The following RFX3 variants were observed in gnomAD, a reference collection of about 807,000 sequenced individuals.
The protein encoded by RFX3 is regulatory factor X3, also known as transcription factor RFX3.
In RFX3, 14 loss-of-function variants were observed where a neutral mutation model predicts 98.6. That is an observed-to-expected ratio of 0.14 (90% CI 0.09 to 0.22). The LOEUF (loss-of-function observed/expected upper bound fraction) is 0.22. Among genes scored for constraint, RFX3 ranks in the 10% least tolerant of loss-of-function variants. RFX3 has a pLI of 1.00. For synonymous variants in RFX3, 383 were observed against 328.4 expected, an observed-to-expected ratio of 1.17 and a Z score of -1.80; for missense variants, 639 against 926.9, an observed-to-expected ratio of 0.69 and a Z score of 4.03.
intron 3 of RFX3, among the ~76,000 whole-genome samples, chr9:3,333,543 T>G (rs1242030137): frequency 6.6e-6 from 1 of 152,044 alleles, no homozygotes; most frequent in Non-Finnish European, 1.5e-5. Flanking sequence ...TTTCTTTATT[T>G]ATATGTTTAT....
At chr9:3,480,317 T>C (rs1849629123) in intron 1 of RFX3, among the ~76,000 whole-genome samples, 1 of 152,212 alleles carries the variant, frequency 6.6e-6, no homozygotes. Flanking sequence ...ATGTGGCCTC[T>C]TTTCCACTGG....
intron 1 of RFX3, among the ~76,000 whole-genome samples, chr9:3,470,034 A>G (rs1653406760): frequency 6.6e-6 from 1 of 152,198 alleles, no homozygotes; most frequent in Non-Finnish European, 1.5e-5. Context: ...GAGAAGGTCA[A>G]GAACCATTAG....
At chr9:3,474,639 C>A (rs939025573) in intron 1 of RFX3, among the ~76,000 whole-genome samples, 3 of 152,196 alleles carry the variant, frequency 2.0e-5, no homozygotes, top group African/African-American at 4.8e-5. Context: ...AGTCAGCCAA[C>A]AAGTGGCAGC....
At chr9:3,322,311 T>C (rs1831408796) in intron 4 of RFX3, among the ~76,000 whole-genome samples, 1 of 152,216 alleles carries the variant, frequency 6.6e-6, no homozygotes, top group South Asian at 2.1e-4. Context: ...GTGTTTTTTA[T>C]TCAGCAATTG....
At chr9:3,255,415 T>C (rs1821995522) in intron 14 of RFX3, among the ~76,000 whole-genome samples, 1 of 152,228 alleles carries the variant, frequency 6.6e-6, no homozygotes, top group East Asian at 1.9e-4. Flanking sequence ...AGGATGACCA[T>C]AGTGTAGCCA....
chr9:3,464,205 G>A lies in RFX3; in HGVS notation c.-9+61542C>T, dbSNP rs548073798. On this transcript the variant is annotated intron_variant, in intron 1 of 16. Transcript: ENST00000617270. ...GAATGCAAAATGGTACAGCCACTTT[G>A]GAAAACAGTTTGGCAGTTACTTCGA... Among the ~76,000 whole-genome samples, 6 of 152,242 alleles carry A rather than the reference G, an allele frequency of 3.9e-5. No individual in the cohort carries two copies. The South Asian group carries it at 1.2e-3, about 32-fold the overall frequency.
chr9:3,262,851 G>C, intron 13 of RFX3, 84 bp downstream of exon 13: 1 of 1,414,674 alleles, frequency 7.1e-7, no homozygotes, highest in Admixed American at 1.8e-5. Flanking sequence ...ATGAGACTTT[G>C]AAAAGAAATT....
chr9:3,489,974 C>A (rs965941313), intron 1 of RFX3, among the ~76,000 whole-genome samples: 15 of 152,134 alleles, frequency 9.9e-5, no homozygotes, highest in African/African-American at 3.1e-4. Flanking sequence ...GGAAGGAATT[C>A]TCTTCTGGTT....
In RFX3 at chr9:3,355,059, A is replaced by T. The variant is rs144075502; in HGVS notation, c.118-8295T>A. ...ATTGGTTGAACACAGACTGATAAAT[A>T]CATATTTTTTAAATCTTTGAATACT... is the stretch of plus-strand genomic sequence containing the variant. On this transcript the variant is annotated intron_variant, in intron 2 of 16. Coordinates refer to ENST00000617270, the MANE Select transcript of RFX3 (RefSeq NM_001282116.2). 1.3e-4 allele frequency among the ~76,000 whole-genome samples: 19 copies of T among 151,996 alleles called. No homozygotes were observed. In the East Asian group the frequency reaches 3.1e-3, roughly 25 times the overall value.
intron 1 of RFX3, among the ~76,000 whole-genome samples, chr9:3,464,192 G>C (rs915465988): frequency 7.2e-5 from 11 of 152,110 alleles, no homozygotes; most frequent in Admixed American, 5.9e-4. Flanking sequence ...ATGCAAAATG[G>C]TACAGCCACT....
In RFX3 at chr9:3,386,529, T is replaced by C. The variant is rs545781832; in HGVS notation, c.117+8943A>G. Among the ~76,000 whole-genome samples, 330 of 152,250 alleles carry C rather than the reference T, an allele frequency of 2.2e-3. 1 individual carries two copies. Among genetic ancestry groups the C allele is most frequent in the African/African-American group, 7.6e-3 (315 of 41,574 alleles). ...AGTAGAAAGGACTAGAGCCAGGATT[T>C]GAATTTATGCCTTCCAACAATAAAG... On this transcript the variant is annotated intron_variant, in intron 2 of 16. Coordinates refer to ENST00000617270, the MANE Select transcript of RFX3 (RefSeq NM_001282116.2).
chr9:3,490,771 G>C (rs941877239), intron 1 of RFX3, among the ~76,000 whole-genome samples: 7 of 152,052 alleles, frequency 4.6e-5, no homozygotes, highest in Admixed American at 4.6e-4. Context: ...TGATTTAGCA[G>C]CTGACATGCA....
chr9:3,366,530 A>C (rs999730283), intron 2 of RFX3, among the ~76,000 whole-genome samples: 1 of 152,178 alleles, frequency 6.6e-6, no homozygotes, highest in African/African-American at 2.4e-5. Context: ...TCCTGGTCTG[A>C]TATCACTCAG....
At chr9:3,270,288 T>C in intron 11 of RFX3, 83 bp downstream of exon 11, 1 of 1,334,322 alleles carries the variant, frequency 7.5e-7, no homozygotes, top group Non-Finnish European at 1.0e-6. Context: ...AGAATCATTC[T>C]AGATTGCAAT....
chr9:3,304,243 C>T (rs1386590683), intron 4 of RFX3, among the ~76,000 whole-genome samples: 7 of 151,966 alleles, frequency 4.6e-5, no homozygotes, highest in Admixed American at 3.9e-4. Flanking sequence ...TTATTATATT[C>T]ATTTTAAAAA....
At chr9:3,361,325 T>A (rs1466352266) in intron 2 of RFX3, among the ~76,000 whole-genome samples, 1 of 151,734 alleles carries the variant, frequency 6.6e-6, no homozygotes, top group African/African-American at 2.4e-5. Flanking sequence ...TCTGGCCCAG[T>A]AAAACCACAG....
Position 3,472,858 on chromosome 9 carries a change from T to C in RFX3, c.-9+52889A>G, listed in dbSNP as rs544890214. Among the ~76,000 whole-genome samples, 50 of 152,312 alleles carry C rather than the reference T, an allele frequency of 3.3e-4. 3 individuals carry two copies. In the South Asian group the frequency reaches 0.01, roughly 31 times the overall value. On this transcript the variant is annotated intron_variant, in intron 1 of 16. Coordinates refer to ENST00000617270, the MANE Select transcript of RFX3 (RefSeq NM_001282116.2). ...GTTCCTATGCAATAGTTATTTTCTG[T>C]ACATTATGTAGTTTTCTATTAATGT...
intron 1 of RFX3, among the ~76,000 whole-genome samples, chr9:3,423,486 T>C (rs926729767): frequency 3.9e-5 from 6 of 152,078 alleles, no homozygotes; most frequent in Non-Finnish European, 2.9e-5. Flanking sequence ...ACATAGCACA[T>C]GAGTGAGTCT....
intron 2 of RFX3, among the ~76,000 whole-genome samples, chr9:3,366,682 C>CTTTCTTTCTTTCCTTTCTTTCTTTCT (rs1554681184): frequency 2.9e-5 from 2 of 69,970 alleles, no homozygotes; most frequent in African/African-American, 1.1e-4. Context: ...CTCTTTCTTT[C>CTTTCTTTCTTTCCTTTCTTTCTTTCT]TTCTTTCTTT....
Sources: allele counts gnomAD v4.1 joint callset (sites outside exome capture counted in the v4.1 genomes callset), GRCh38; gene constraint gnomAD v4.1.1; transcripts MANE v1.5; gene names NCBI Gene and HGNC (gene_info 2026-07-23, HGNC 2026-07-21).